CACNA2D3: variants seen among roughly 807,000 people sequenced by gnomAD.
The protein encoded by CACNA2D3 is voltage-dependent calcium channel subunit alpha-2/delta-3.
CACNA2D3 carries 60 observed loss-of-function variants against 160.6 expected under a neutral mutation model. The ratio of observed to expected loss-of-function variants is 0.37; its 90% CI spans 0.30 to 0.46. The LOEUF is 0.46. Ranked by LOEUF, CACNA2D3 falls within the 20% of genes least tolerant of loss-of-function variation. The probability of loss-of-function intolerance (pLI) is 1.00; values close to 1 mark genes in which losing one functional copy is unlikely to be tolerated. For synonymous variants in CACNA2D3, 558 were observed against 492.9 expected, an observed-to-expected ratio of 1.13 and a Z score of -1.75; for missense variants, 1,205 against 1,365.0, an observed-to-expected ratio of 0.88 and a Z score of 1.85.
chr3:54,755,159 G>A (rs1254685641), intron 12 of CACNA2D3, among the ~76,000 whole-genome samples: 3 of 152,264 alleles, frequency 2.0e-5, no homozygotes, highest in Middle Eastern at 3.4e-3. Flanking sequence ...TTCCGTTTGA[G>A]GCTGACTAGC....
At position 54,970,117 on chromosome 3, in the gene CACNA2D3, C is replaced by T. The variant is rs1467384293; in HGVS notation, c.2556+273C>T. Among the ~76,000 whole-genome samples the T allele has an allele frequency of 3.3e-5, 5 of 152,224 alleles. No individual in the cohort carries two copies. The East Asian group carries it at 9.7e-4, about 29-fold the overall frequency. ...ATTTTGTAGGAAATAATACAAACTC[C>T]TAACTCCTACTGTTTGAAGCTCACA... On this transcript the variant is annotated intron_variant, in intron 29 of 37. Coordinates refer to ENST00000474759, the MANE Select transcript of CACNA2D3 (RefSeq NM_018398.3).
intron 11 of CACNA2D3, among the ~76,000 whole-genome samples, chr3:54,709,500 G>A (rs1189191936): frequency 6.6e-6 from 1 of 152,026 alleles, no homozygotes; most frequent in African/African-American, 2.4e-5. Flanking sequence ...AGTTGGGACT[G>A]CAGGTGTACA....
chr3:54,562,668 T>C (rs1240302815), intron 5 of CACNA2D3, 132 bp from the exon 6 acceptor site: 1 of 719,750 alleles, frequency 1.4e-6, no homozygotes, highest in African/African-American at 1.8e-5. Flanking sequence ...TTTTTGTGGC[T>C]ATAACTTCCT....
chr3:54,571,449 G>C (rs1402465450), intron 8 of CACNA2D3, among the ~76,000 whole-genome samples: 1 of 151,898 alleles, frequency 6.6e-6, no homozygotes, highest in African/African-American at 2.4e-5. Flanking sequence ...TGGTTGGGGG[G>C]GGTCTTAGAA....
chr3:54,479,018 T>C (rs539480170), intron 4 of CACNA2D3, among the ~76,000 whole-genome samples: 2 of 152,156 alleles, frequency 1.3e-5, no homozygotes, highest in African/African-American at 4.8e-5. Context: ...GAATTGTAGT[T>C]ACTGTAACTA....
intron 9 of CACNA2D3, among the ~76,000 whole-genome samples, chr3:54,591,648 A>T (rs976486409): frequency 6.8e-6 from 1 of 146,918 alleles, no homozygotes; most frequent in Non-Finnish European, 1.5e-5. Context: ...TTACATTTTA[A>T]TATAATCAGG....
chr3:54,808,129 A>G (rs938060482), intron 13 of CACNA2D3, among the ~76,000 whole-genome samples: 1 of 151,680 alleles, frequency 6.6e-6, no homozygotes, highest in Non-Finnish European at 1.5e-5. Flanking sequence ...TGGGTGCAGC[A>G]CATCAGCATG....
intron 11 of CACNA2D3, among the ~76,000 whole-genome samples, chr3:54,739,747 ATATATGTGTGTG>A (rs1334500956): frequency 1.1e-5 from 1 of 94,314 alleles, no homozygotes; most frequent in Non-Finnish European, 2.0e-5. Flanking sequence ...CCTTCTCCTC[ATATATGTGTGTG>A]TGTGTGTGTG....
chr3:54,529,602 G>A (rs1448282766), intron 5 of CACNA2D3, among the ~76,000 whole-genome samples: 2 of 152,194 alleles, frequency 1.3e-5, no homozygotes, highest in African/African-American at 4.8e-5. Context: ...CATTCAGGTT[G>A]TTCTGGAGAG....
At chr3:54,952,843 T>G (rs922687683) in intron 27 of CACNA2D3, among the ~76,000 whole-genome samples, 1 of 152,140 alleles carries the variant, frequency 6.6e-6, no homozygotes, top group Non-Finnish European at 1.5e-5. Flanking sequence ...TCTTTGGATG[T>G]TTTACAAATT....
chr3:54,852,282 T>C (rs1318588677), intron 17 of CACNA2D3, among the ~76,000 whole-genome samples: 3 of 152,230 alleles, frequency 2.0e-5, no homozygotes, highest in Non-Finnish European at 2.9e-5. Flanking sequence ...ATTCTAGCCA[T>C]GTAGGTTCAC....
chr3:54,475,809 T>TGTGTGTG (rs138448154), intron 4 of CACNA2D3, among the ~76,000 whole-genome samples: 4 of 142,726 alleles, frequency 2.8e-5, no homozygotes, highest in African/African-American at 1.0e-4. Flanking sequence ...TGGTTACCAT[T>TGTGTGTG]TGTGTGTGTG....
Position 54,652,783 on chromosome 3 carries a change from CT to C in CACNA2D3, c.1167+10559del, listed in dbSNP as rs11428424. On this transcript the variant is annotated intron_variant, in intron 11 of 37. Transcript: ENST00000474759. Reference sequence around the variant, plus strand: ...GGGGTTGGTGAGGAGCCATGGGAGGCTTTTTTTTTTTTTTTTTGAGACCGAG... The same window carrying C: ...GGGGTTGGTGAGGAGCCATGGGAGGCTTTTTTTTTTTTTTTTGAGACCGAG... Among the ~76,000 whole-genome samples the C allele has an allele frequency of 3.5e-3, 416 of 118,242 alleles. 1 individual carries two copies. The highest frequency in any genetic ancestry group is 0.011 in the African/African-American group (330 of 31,142). The allele number at this position is 118,242 out of a possible 152,430, so 77.6% of individuals were successfully genotyped here.
At chr3:54,412,095 A>C (rs1252669015) in intron 4 of CACNA2D3, among the ~76,000 whole-genome samples, 2 of 152,198 alleles carry the variant, frequency 1.3e-5, no homozygotes, top group Non-Finnish European at 2.9e-5. Flanking sequence ...ATAGAATAGT[A>C]TAGTACGTAG....
At chr3:54,827,867 T>C (rs564170397) in intron 14 of CACNA2D3, among the ~76,000 whole-genome samples, 29 of 152,228 alleles carry the variant, frequency 1.9e-4, no homozygotes, top group Admixed American at 4.6e-4. Context: ...GGCTCTGTGC[T>C]AAATGCCGTG....
chr3:54,353,153 G>T lies in CACNA2D3; in HGVS notation c.321+32595G>T, dbSNP rs1399338534. 2.0e-5 allele frequency among the ~76,000 whole-genome samples: 3 copies of T among 152,162 alleles called. No individual in the cohort carries two copies. The East Asian group carries it at 5.8e-4, about 29-fold the overall frequency. On this transcript the variant is annotated intron_variant, in intron 3 of 37. Transcript: ENST00000474759. Reference sequence around the variant, plus strand: ...TTAACCATCCCCACTTCCCCCACTAGCCAATTTGGTGGTTTTCTTGTCACC... The same window carrying T: ...TTAACCATCCCCACTTCCCCCACTATCCAATTTGGTGGTTTTCTTGTCACC...
At chr3:54,582,493 C>T (rs1454228734) in intron 9 of CACNA2D3, among the ~76,000 whole-genome samples, 1 of 152,196 alleles carries the variant, frequency 6.6e-6, no homozygotes, top group Non-Finnish European at 1.5e-5. Context: ...AATCCTGTTT[C>T]CCTTTAGCCA....
chr3:54,859,972 G>GCGCACACACA (rs535185040), intron 17 of CACNA2D3, among the ~76,000 whole-genome samples: 33 of 133,884 alleles, frequency 2.5e-4, no homozygotes, highest in Admixed American at 1.0e-3. Context: ...GAAAGTAGAT[G>GCGCACACACA]CACACACACA....
At chr3:54,748,552 C>T (rs776788037) in intron 11 of CACNA2D3, among the ~76,000 whole-genome samples, 3 of 151,234 alleles carry the variant, frequency 2.0e-5, no homozygotes, top group East Asian at 1.9e-4. Flanking sequence ...TCAAAATGAG[C>T]GAAGAGGCTG....
Sources: allele counts gnomAD v4.1 joint callset (sites outside exome capture counted in the v4.1 genomes callset), GRCh38; gene constraint gnomAD v4.1.1; transcripts MANE v1.5; gene names NCBI Gene and HGNC (gene_info 2026-07-23, HGNC 2026-07-21).